The following ST8SIA2 variants were observed in gnomAD, a reference collection of about 807,000 sequenced individuals.
ST8SIA2 encodes ST8 alpha-N-acetyl-neuraminide alpha-2,8-sialyltransferase 2, also known as alpha-2,8-sialyltransferase 8B.
Under a neutral mutation model 37.6 loss-of-function variants are expected in ST8SIA2, and 22 were observed. That is an observed-to-expected ratio of 0.58 (90% CI 0.42 to 0.83). The LOEUF (loss-of-function observed/expected upper bound fraction) is 0.83, where lower values mean the gene tolerates loss of function less well. Ranked by LOEUF, ST8SIA2 falls within the 40% of genes least tolerant of loss-of-function variation. The probability of loss-of-function intolerance (pLI) is 0.00; values close to 1 mark genes in which losing one functional copy is unlikely to be tolerated. For missense variants in ST8SIA2, 382 were observed against 484.7 expected, an observed-to-expected ratio of 0.79 and a Z score of 1.99; for synonymous variants, 205 against 201.2, an observed-to-expected ratio of 1.02 and a Z score of -0.16.
intron 5 of ST8SIA2, among the ~76,000 whole-genome samples, chr15:92,458,656 G>A (rs2049936091): frequency 6.6e-6 from 1 of 152,198 alleles, no homozygotes; most frequent in Non-Finnish European, 1.5e-5. Flanking sequence ...ACCTTCCCAG[G>A]AGCCCACAGA....
chr15:92,407,960 G>C (rs922714293), intron 1 of ST8SIA2, among the ~76,000 whole-genome samples: 7 of 152,164 alleles, frequency 4.6e-5, no homozygotes, highest in African/African-American at 1.7e-4. Context: ...GAAAATGTTT[G>C]AAGTTTATGC....
chr15:92,464,307 G>A lies in ST8SIA2; in HGVS notation c.1050G>A (p.Leu350=), dbSNP rs780316365. Reference sequence around the variant, plus strand: ...AGGCCAGCCCGCATACCATGCCCTTGGAGTTTAAGGCCCTCAAGAGCCTAC... The same window carrying A: ...AGGCCAGCCCGCATACCATGCCCTTAGAGTTTAAGGCCCTCAAGAGCCTAC... The part of the protein sequence containing the change: ...TSQASPHTMP[L]EFKALKSLHE... Residue 350 remains leucine, a synonymous_variant, in exon 6 of 6, where the codon TTG becomes TTA. Transcript: ENST00000268164. 2.5e-5 allele frequency: 40 copies of A among 1,613,834 alleles called. No homozygotes were observed. Among genetic ancestry groups the A allele is most frequent in the Middle Eastern group, 1.6e-4 (1 of 6,080 alleles).
chr15:92,455,045 C>G (rs2049910642), intron 5 of ST8SIA2, among the ~76,000 whole-genome samples: 1 of 152,084 alleles, frequency 6.6e-6, no homozygotes, highest in Admixed American at 6.5e-5. Context: ...CCAGAGGGGC[C>G]AGGTCAGCAA....
In ST8SIA2 at chr15:92,466,733, T is replaced by G. The variant is rs1401878458; in HGVS notation, c.*2348T>G. ...TAGAGACCCCAGGACAATCAACATG[T>G]GCACCGTTCCCCTCCTCGGCTTGAG... On this transcript the variant is annotated 3_prime_UTR_variant, in exon 6 of 6. Transcript: ENST00000268164. The G allele has an allele frequency of 1.3e-5, 2 of 152,270 alleles. No homozygotes were observed. The highest frequency in any genetic ancestry group is 1.3e-4 in the Admixed American group (2 of 15,284). The allele number at this position is 152,270 out of a possible 1,614,324, so 9.4% of individuals were successfully genotyped here.
rs1021100765 is a variant in ST8SIA2, at chr15:92,441,739, A to G, written c.549-2897A>G. On this transcript the variant is annotated intron_variant, in intron 4 of 5. Transcript: ENST00000268164. Reference sequence around the variant, plus strand: ...CTTTGAACGTACCAGGTGCTATTCTATGTACTTCATGTTTATTAACTTATT... The same window carrying G: ...CTTTGAACGTACCAGGTGCTATTCTGTGTACTTCATGTTTATTAACTTATT... 2.0e-5 allele frequency among the ~76,000 whole-genome samples: 3 copies of G among 152,236 alleles called. No homozygotes were observed. The East Asian group carries it at 5.8e-4, about 29-fold the overall frequency.
At chr15:92,402,035 A>C (rs139136350) in intron 1 of ST8SIA2, among the ~76,000 whole-genome samples, 3 of 152,264 alleles carry the variant, frequency 2.0e-5, no homozygotes, top group Non-Finnish European at 4.4e-5. Context: ...GGATACTAAG[A>C]TGTCCTTTCT....
chr15:92,413,940 C>T (rs993484943), intron 1 of ST8SIA2, among the ~76,000 whole-genome samples: 4 of 152,222 alleles, frequency 2.6e-5, no homozygotes, highest in African/African-American at 7.2e-5. Flanking sequence ...AGGCACCAGC[C>T]CAGACCCTGG....
intron 1 of ST8SIA2, among the ~76,000 whole-genome samples, chr15:92,413,799 G>A (rs914508725): frequency 6.6e-6 from 1 of 152,156 alleles, no homozygotes; most frequent in African/African-American, 2.4e-5. Context: ...TTTTCACTCC[G>A]GCCCTCTTTC....
chr15:92,413,581 T>G lies in ST8SIA2; in HGVS notation c.99-16468T>G, dbSNP rs567165367. Among the ~76,000 whole-genome samples, 7 of 152,318 alleles carry G rather than the reference T, an allele frequency of 4.6e-5. No individual in the cohort carries two copies. In the East Asian group the frequency reaches 9.7e-4, roughly 21 times the overall value. On this transcript the variant is annotated intron_variant, in intron 1 of 5. Transcript: ENST00000268164. The stretch of plus-strand genomic sequence containing the variant: ...GTTTCCGCGCATCCTCACTGCACAC[T>G]TACTGAAGTACTGCCCTATTCCAGA...
chr15:92,456,967 G>A (rs1014038177), intron 5 of ST8SIA2, among the ~76,000 whole-genome samples: 4 of 152,302 alleles, frequency 2.6e-5, no homozygotes, highest in Admixed American at 6.5e-5. Context: ...ATTCTAAGAC[G>A]AAGTCCTCAG....
At chr15:92,405,356 A>C (rs2049500341) in intron 1 of ST8SIA2, among the ~76,000 whole-genome samples, 1 of 152,226 alleles carries the variant, frequency 6.6e-6, no homozygotes, top group Non-Finnish European at 1.5e-5. Context: ...AATGGGTATA[A>C]AGTTTCAGTT....
At chr15:92,439,052 CAG>C (rs2049781612) in intron 4 of ST8SIA2, among the ~76,000 whole-genome samples, 1 of 152,182 alleles carries the variant, frequency 6.6e-6, no homozygotes, top group African/African-American at 2.4e-5. Context: ...GGTGAAATTG[CAG>C]AGTCAGAACA....
intron 5 of ST8SIA2, among the ~76,000 whole-genome samples, chr15:92,459,726 G>A (rs1012347633): frequency 2.0e-5 from 3 of 152,164 alleles, no homozygotes; most frequent in Admixed American, 6.5e-5. Flanking sequence ...AGCATCCTGA[G>A]TAGCTGGGAT....
intron 5 of ST8SIA2, among the ~76,000 whole-genome samples, chr15:92,445,533 G>A (rs1340821837): frequency 1.3e-5 from 2 of 152,130 alleles, no homozygotes; most frequent in Non-Finnish European, 2.9e-5. Context: ...TTACTGATTG[G>A]GCTGAGATCT....
At chr15:92,395,026 C>T (rs184653138) in intron 1 of ST8SIA2, among the ~76,000 whole-genome samples, 60 of 152,236 alleles carry the variant, frequency 3.9e-4, no homozygotes, top group African/African-American at 1.4e-3. Flanking sequence ...GCACTTGAGG[C>T]GCGGGACGCA....
At chr15:92,444,172 A>C (rs1350090241) in intron 4 of ST8SIA2, among the ~76,000 whole-genome samples, 1 of 152,194 alleles carries the variant, frequency 6.6e-6, no homozygotes, top group African/African-American at 2.4e-5. Flanking sequence ...AAGCTAAAGT[A>C]ATGGAAGGTC....
chr15:92,440,004 T>G (rs2049789793), intron 4 of ST8SIA2, among the ~76,000 whole-genome samples: 1 of 152,128 alleles, frequency 6.6e-6, no homozygotes, highest in South Asian at 2.1e-4. Context: ...GCCTCTTCCA[T>G]TGTCACAAGT....
intron 1 of ST8SIA2, among the ~76,000 whole-genome samples, chr15:92,414,808 G>A (rs115043541): frequency 0.027 from 4,126 of 152,198 alleles, 194 homozygotes; most frequent in African/African-American, 0.091. Flanking sequence ...CACCCCACCC[G>A]TACCCACCAC....
At chr15:92,428,663 G>A (rs754589261) in intron 1 of ST8SIA2, among the ~76,000 whole-genome samples, 4 of 152,204 alleles carry the variant, frequency 2.6e-5, no homozygotes, top group Non-Finnish European at 5.9e-5. Context: ...ATCCCAAGGA[G>A]ATATTTCCAA....
Sources: allele counts gnomAD v4.1 joint callset (sites outside exome capture counted in the v4.1 genomes callset), GRCh38; gene constraint gnomAD v4.1.1; transcripts MANE v1.5; gene names NCBI Gene and HGNC (gene_info 2026-07-23, HGNC 2026-07-21).